The following HDAC9 variants were observed in gnomAD, a reference collection of about 807,000 sequenced individuals.
HDAC9 encodes the protein MEF-2 interacting transcription repressor (MITR) protein.
Under a neutral mutation model 139.4 loss-of-function variants are expected in HDAC9, and 41 were observed. The ratio of observed to expected loss-of-function variants is 0.29; its 90% CI spans 0.23 to 0.38. The LOEUF is 0.38. Ranked by LOEUF, HDAC9 falls within the 10% of genes least tolerant of loss-of-function variation. The probability of loss-of-function intolerance (pLI) is 1.00; values close to 1 mark genes in which losing one functional copy is unlikely to be tolerated. For synonymous variants in HDAC9, 517 were observed against 476.2 expected, an observed-to-expected ratio of 1.09 and a Z score of -1.12; for missense variants, 1,147 against 1,297.0, an observed-to-expected ratio of 0.88 and a Z score of 1.78.
At chr7:18,696,474 CTTT>C (rs886105200) in intron 12 of HDAC9, among the ~76,000 whole-genome samples, 1 of 139,978 alleles carries the variant, frequency 7.1e-6, no homozygotes, top group African/African-American at 2.6e-5. Context: ...TCTTTTTTTG[CTTT>C]TTTTTTTTTG....
At chr7:18,915,989 C>G (rs1803160200) in intron 22 of HDAC9, among the ~76,000 whole-genome samples, 1 of 142,270 alleles carries the variant, frequency 7.0e-6, no homozygotes, top group South Asian at 2.3e-4. Context: ...TTTTTCTGTA[C>G]TTTAAAACAG....
In HDAC9 at chr7:18,682,484, AGTT is replaced by A. The variant is rs1373720229; in HGVS notation, c.1731+16011_1731+16013del. 2.6e-5 allele frequency among the ~76,000 whole-genome samples: 4 copies of A among 152,164 alleles called. No individual in the cohort carries two copies. The East Asian group carries it at 7.8e-4, about 30-fold the overall frequency. ...ACTCTACATATTGATTTTAGAATAA[AGTT>A]GTATCCATCCAAGAAAATTTGTTTT... On this transcript the variant is annotated intron_variant, in intron 12 of 25. Transcript: ENST00000686413.
chr7:18,913,751 G>T (rs542095744), intron 22 of HDAC9, among the ~76,000 whole-genome samples: 12 of 151,974 alleles, frequency 7.9e-5, no homozygotes, highest in African/African-American at 2.9e-4. Context: ...ATATTGACTA[G>T]CAGTGAATGG....
At chr7:18,978,255 T>C (rs1307478801) in intron 25 of HDAC9, among the ~76,000 whole-genome samples, 1 of 152,170 alleles carries the variant, frequency 6.6e-6, no homozygotes, top group Non-Finnish European at 1.5e-5. Flanking sequence ...GTGAGATGAC[T>C]CATTTCATAC....
At chr7:18,796,960 A>G (rs1792857152) in intron 17 of HDAC9, among the ~76,000 whole-genome samples, 2 of 152,192 alleles carry the variant, frequency 1.3e-5, no homozygotes, top group Admixed American at 6.5e-5. Flanking sequence ...AAAAAATCCT[A>G]AACACCTGGT....
intron 2 of HDAC9, among the ~76,000 whole-genome samples, chr7:18,571,506 A>T (rs1222175462): frequency 6.6e-6 from 1 of 152,188 alleles, no homozygotes; most frequent in East Asian, 1.9e-4. Flanking sequence ...GTAAGATTTT[A>T]TTTGAAGAAA....
chr7:18,440,351 A>G (rs1012440919), intron 1 of HDAC9, among the ~76,000 whole-genome samples: 2 of 151,536 alleles, frequency 1.3e-5, no homozygotes, highest in African/African-American at 2.4e-5. Flanking sequence ...TGCCTGGCTA[A>G]TTTTTGTATT....
chr7:18,834,220 A>G (rs1470198950), intron 19 of HDAC9, among the ~76,000 whole-genome samples: 2 of 152,240 alleles, frequency 1.3e-5, no homozygotes. Flanking sequence ...GTAAGTATAT[A>G]GTTACAAGTT....
intron 9 of HDAC9, among the ~76,000 whole-genome samples, chr7:18,645,033 C>CT (rs1786930906): frequency 6.6e-6 from 1 of 151,954 alleles, no homozygotes; most frequent in African/African-American, 2.4e-5. Context: ...TGGTTTATAG[C>CT]TTTTAAAAAA....
chr7:18,381,335 T>C (rs1435028546), intron 1 of HDAC9, among the ~76,000 whole-genome samples: 2 of 151,890 alleles, frequency 1.3e-5, no homozygotes, highest in African/African-American at 4.8e-5. Flanking sequence ...TTGGAAGATA[T>C]AATTAACATG....
At position 18,704,614 on chromosome 7, in the gene HDAC9, G is replaced by A. The variant is rs181853512; in HGVS notation, c.1732-22966G>A. Among the ~76,000 whole-genome samples the A allele has an allele frequency of 1.6e-4, 25 of 152,234 alleles. No individual in the cohort carries two copies. In the East Asian group the frequency reaches 4.6e-3, roughly 28 times the overall value. ...CTTACTTTTAGTACTTCAAAATGGG[G>A]ACAAACATAAGATTTGGAGCAAAGA... On this transcript the variant is annotated intron_variant, in intron 12 of 25. Transcript: ENST00000686413.
intron 2 of HDAC9, among the ~76,000 whole-genome samples, chr7:18,572,716 A>T (rs1461851697): frequency 6.6e-6 from 1 of 152,210 alleles, no homozygotes; most frequent in African/African-American, 2.4e-5. Context: ...ACAAAATAAT[A>T]TGGATTACAA....
rs534278591 is a variant in HDAC9 at position 18,621,628 on chromosome 7, T to C, written c.665-7722T>C. Among the ~76,000 whole-genome samples, 3 of 152,288 alleles carry C rather than the reference T, an allele frequency of 2.0e-5. No homozygotes were observed. In the East Asian group the frequency reaches 5.8e-4, roughly 29 times the overall value. On this transcript the variant is annotated intron_variant, in intron 6 of 25. Transcript: ENST00000686413. Reference sequence around the variant, plus strand: ...CCAAAATTATTTTTTGAAAACTTTATATATGAATTACATACTGTTAAGTGG... The same window carrying C: ...CCAAAATTATTTTTTGAAAACTTTACATATGAATTACATACTGTTAAGTGG...
intron 21 of HDAC9, among the ~76,000 whole-genome samples, chr7:18,858,821 C>T (rs1210082856): frequency 1.3e-5 from 2 of 152,160 alleles, no homozygotes; most frequent in African/African-American, 4.8e-5. Flanking sequence ...ACAGCAGTGT[C>T]TCATTTTTAC....
At chr7:18,914,093 C>T (rs1242380873) in intron 22 of HDAC9, among the ~76,000 whole-genome samples, 2 of 151,750 alleles carry the variant, frequency 1.3e-5, no homozygotes, top group Non-Finnish European at 2.9e-5. Flanking sequence ...TTAGTGCCCT[C>T]AATTAAGAGG....
chr7:18,706,730 A>T (rs1783954747), intron 12 of HDAC9, among the ~76,000 whole-genome samples: 1 of 152,196 alleles, frequency 6.6e-6, no homozygotes, highest in Non-Finnish European at 1.5e-5. Flanking sequence ...GCTGCTAAAC[A>T]TCTTACAATA....
chr7:18,388,929 G>A (rs1471402103), intron 1 of HDAC9, among the ~76,000 whole-genome samples: 1 of 152,024 alleles, frequency 6.6e-6, no homozygotes, highest in African/African-American at 2.4e-5. Flanking sequence ...TTCATTTCTA[G>A]TTAATTTTTG....
chr7:18,575,579 G>A (rs949425170), intron 2 of HDAC9, among the ~76,000 whole-genome samples: 9 of 152,180 alleles, frequency 5.9e-5, no homozygotes, highest in African/African-American at 1.9e-4. Context: ...GAGATACAGT[G>A]GAGTCTAGGA....
chr7:18,097,236 T>C (rs552069420), intron 1 of HDAC9, among the ~76,000 whole-genome samples: 1 of 152,312 alleles, frequency 6.6e-6, no homozygotes, highest in African/African-American at 2.4e-5. Context: ...TTGGTTATAA[T>C]TGGATGTTGT....
Sources: allele counts gnomAD v4.1 joint callset (sites outside exome capture counted in the v4.1 genomes callset), GRCh38; gene constraint gnomAD v4.1.1; transcripts MANE v1.5; gene names NCBI Gene and HGNC (gene_info 2026-07-23, HGNC 2026-07-21).